Variants in SRPK2 observed in about 807,000 individuals in gnomAD.
The protein encoded by SRPK2 is SFRS protein kinase 2.
SRPK2 carries 21 observed loss-of-function variants against 90.8 expected under a neutral mutation model. The observed-to-expected ratio is 0.23, with a 90% CI of 0.16 to 0.33. The LOEUF is 0.33. Ranked by LOEUF, SRPK2 falls within the 10% of genes least tolerant of loss-of-function variation. The probability of loss-of-function intolerance (pLI) is 1.00; values close to 1 mark genes in which losing one functional copy is unlikely to be tolerated. For missense variants in SRPK2, 620 were observed against 869.0 expected (o/e 0.71, Z 3.60); for synonymous variants, 288 against 311.1 (o/e 0.93, Z 0.78).
Position 105,175,917 on chromosome 7 carries a change from GA to G in SRPK2, c.230-6653del, listed in dbSNP as rs1157580380. Among the ~76,000 whole-genome samples the G allele has an allele frequency of 2.0e-5, 3 of 151,774 alleles. No individual in the cohort carries two copies. The South Asian group carries it at 6.2e-4, about 32-fold the overall frequency. The stretch of plus-strand genomic sequence containing the variant: ...TTGGTATATTTTATCTTGATATTAT[GA>G]AAAAAATACTACAAATTCCTCCTAA... On this transcript the variant is annotated intron_variant, in intron 3 of 15. Coordinates refer to ENST00000393651, the MANE Select transcript of SRPK2 (RefSeq NM_182692.3).
intron 2 of SRPK2, among the ~76,000 whole-genome samples, chr7:105,370,922 T>C (rs1819623582): frequency 6.6e-6 from 1 of 152,066 alleles, no homozygotes; most frequent in South Asian, 2.1e-4. Flanking sequence ...GGCCGGATTA[T>C]TAATTTTAAA....
rs577422731 is a variant in SRPK2 at position 105,385,590 on chromosome 7, A to G, written c.71+3058T>C. ...TGCCTCCCATCAACCTCTCTGGGCC[A>G]CTCAGGCCACTCTTACTTTTGGGTT... On this transcript the variant is annotated intron_variant, in intron 2 of 15. Transcript: ENST00000393651. Among the ~76,000 whole-genome samples, 13 of 152,048 alleles carry G rather than the reference A, an allele frequency of 8.5e-5. No individual in the cohort carries two copies. In the South Asian group the frequency reaches 2.7e-3, roughly 32 times the overall value.
Position 105,143,044 on chromosome 7 carries a change from C to G in SRPK2, c.1060+40G>C, listed in dbSNP as rs60188077. The G allele has an allele frequency of 7.3e-3, 11,720 of 1,600,488 alleles. 739 individuals carry two copies. In the African/African-American group the frequency reaches 0.13, roughly 18 times the overall value. On this transcript the variant is annotated intron_variant, in intron 10 of 15. Coordinates refer to ENST00000393651, the MANE Select transcript of SRPK2 (RefSeq NM_182692.3). Reference sequence around the variant, plus strand: ...CTGGCAGAACCCTACTAATGGAGCTCTGAGAACCCCATGCAGCCCAGGTTC... The same window carrying G: ...CTGGCAGAACCCTACTAATGGAGCTGTGAGAACCCCATGCAGCCCAGGTTC...
intron 3 of SRPK2, among the ~76,000 whole-genome samples, chr7:105,192,304 T>C (rs920465671): frequency 8.5e-5 from 13 of 152,172 alleles, no homozygotes; most frequent in African/African-American, 2.7e-4. Context: ...TGAGAGAACA[T>C]AGGATGTCTG....
rs199585414 is a variant in SRPK2, at chr7:105,170,597, TGAA to T, written c.230-1335_230-1333del. 3.3e-3 allele frequency among the ~76,000 whole-genome samples: 499 copies of T among 150,276 alleles called. 2 individuals carry two copies. Among genetic ancestry groups the T allele is most frequent in the African/African-American group, 0.011 (465 of 40,806 alleles). ...TAATCCCAGCTACTCGGGAGGCTGA[TGAA>T]GAAGAATTGCTTGAACCCAGGAAGC... On this transcript the variant is annotated intron_variant, in intron 3 of 15. Coordinates refer to ENST00000393651, the MANE Select transcript of SRPK2 (RefSeq NM_182692.3).
chr7:105,324,286 C>T (rs1813307783), intron 2 of SRPK2, among the ~76,000 whole-genome samples: 1 of 151,782 alleles, frequency 6.6e-6, no homozygotes, highest in African/African-American at 2.4e-5. Flanking sequence ...GGATTACAGA[C>T]ATGAGCCACT....
chr7:105,299,138 G>C (rs565567947), intron 2 of SRPK2, among the ~76,000 whole-genome samples: 1 of 152,332 alleles, frequency 6.6e-6, no homozygotes, highest in South Asian at 2.1e-4. Context: ...ATGAGCCTCT[G>C]TTTCTCTACA....
chr7:105,330,194 G>A (rs1258947276), intron 2 of SRPK2, among the ~76,000 whole-genome samples: 1 of 151,858 alleles, frequency 6.6e-6, no homozygotes, highest in Non-Finnish European at 1.5e-5. Flanking sequence ...AAAAAAATTA[G>A]CCAGGCGTGG....
Position 105,116,920 on chromosome 7 carries a change from T to C in SRPK2, c.*918A>G, listed in dbSNP as rs1259683792. 1 of 152,180 alleles carries C rather than the reference T, an allele frequency of 6.6e-6. No individual in the cohort carries two copies. Among genetic ancestry groups the C allele is most frequent in the Non-Finnish European group, 1.5e-5 (1 of 68,028 alleles). 9.4% of individuals were successfully genotyped at this position (152,180 alleles called of 1,614,324 possible). ...ATGCTTTTCCAAAAATATATGTATTTTTTCATTCCACACAATTAACACGTT... is the reference window on the plus strand; with the variant it reads ...ATGCTTTTCCAAAAATATATGTATTCTTTCATTCCACACAATTAACACGTT... On this transcript the variant is annotated 3_prime_UTR_variant, in exon 16 of 16. Transcript: ENST00000393651.
intron 2 of SRPK2, among the ~76,000 whole-genome samples, chr7:105,347,368 A>G (rs952057677): frequency 2.3e-4 from 35 of 151,390 alleles, no homozygotes; most frequent in Admixed American, 8.6e-4. Flanking sequence ...TTTTTTCTTT[A>G]ATTTTTGTAG....
At chr7:105,310,911 C>T (rs1364961632) in intron 2 of SRPK2, among the ~76,000 whole-genome samples, 1 of 152,066 alleles carries the variant, frequency 6.6e-6, no homozygotes, top group Non-Finnish European at 1.5e-5. Flanking sequence ...CCAAATCCAC[C>T]CTTCCACAAA....
intron 5 of SRPK2, 69 bp downstream of exon 5, chr7:105,167,939 G>GA (rs60505353): frequency 0.49 from 650,374 of 1,327,732 alleles, 169,449 homozygotes; most frequent in Non-Finnish European, 0.53. Flanking sequence ...GTATTACCCA[G>GA]AAAAATCTTT....
chr7:105,368,372 T>G (rs1229018484), intron 2 of SRPK2, among the ~76,000 whole-genome samples: 1 of 152,196 alleles, frequency 6.6e-6, no homozygotes, highest in Non-Finnish European at 1.5e-5. Flanking sequence ...AAAAAATTTT[T>G]ACTTTTTACT....
At chr7:105,185,041 G>C (rs1213226926) in intron 3 of SRPK2, among the ~76,000 whole-genome samples, 1 of 152,032 alleles carries the variant, frequency 6.6e-6, no homozygotes, top group Non-Finnish European at 1.5e-5. Context: ...TTTAGTACGT[G>C]AACTTGGACA....
chr7:105,291,732 G>C (rs1182243911), intron 2 of SRPK2, among the ~76,000 whole-genome samples: 2 of 151,988 alleles, frequency 1.3e-5, no homozygotes, highest in African/African-American at 4.8e-5. Context: ...TTTTTTTCAG[G>C]GGGAGGGGGT....
At chr7:105,309,356 A>G (rs771889556) in intron 2 of SRPK2, among the ~76,000 whole-genome samples, 1 of 152,202 alleles carries the variant, frequency 6.6e-6, no homozygotes, top group Non-Finnish European at 1.5e-5. Context: ...CAGTCACTAA[A>G]CATTTCATTT....
At chr7:105,273,317 T>C (rs527524751) in intron 2 of SRPK2, among the ~76,000 whole-genome samples, 65 of 152,276 alleles carry the variant, frequency 4.3e-4, no homozygotes, top group Middle Eastern at 3.4e-3. Flanking sequence ...TCCCCAAGCA[T>C]GCCATGCTTT....
At chr7:105,300,845 T>C (rs1358187725) in intron 2 of SRPK2, among the ~76,000 whole-genome samples, 1 of 152,076 alleles carries the variant, frequency 6.6e-6, no homozygotes, top group Non-Finnish European at 1.5e-5. Context: ...AGAATGGCGA[T>C]CATTAAAATA....
At position 105,160,618 on chromosome 7, in the gene SRPK2, G is replaced by A. The variant is rs1807469008; in HGVS notation, c.515-5C>T. ...CTTCGAAGACCATGCAGACATCTGG[G>A]ACACAGTTAAGGATCGTTTGTGGAT... On this transcript the variant is annotated splice_polypyrimidine_tract_variant and splice_region_variant and intron_variant, in intron 6 of 15. Coordinates refer to ENST00000393651, the MANE Select transcript of SRPK2 (RefSeq NM_182692.3). 1.3e-6 allele frequency: 2 copies of A among 1,592,928 alleles called. No homozygotes were observed. Among genetic ancestry groups the A allele is most frequent in the Non-Finnish European group, 1.7e-6 (2 of 1,160,876 alleles).
Sources: gnomAD v4.1 joint callset for allele counts (sites outside exome capture counted in the v4.1 genomes callset) on GRCh38, gnomAD v4.1.1 for gene constraint, MANE v1.5 for transcripts, NCBI Gene and HGNC (gene_info 2026-07-23, HGNC 2026-07-21) for gene names.